Variants in PRTG observed in about 807,000 individuals in gnomAD.
PRTG encodes immunoglobulin superfamily, DCC subclass, member 5.
A neutral mutation model predicts 122.5 loss-of-function variants in PRTG; 67 were observed. The observed-to-expected ratio is 0.55, with a 90% CI of 0.45 to 0.67. PRTG has a LOEUF of 0.67. Ranked by LOEUF, PRTG falls within the 30% of genes least tolerant of loss-of-function variation. The pLI is 0.00. For synonymous variants in PRTG, 554 were observed against 501.1 expected (o/e 1.11, Z -1.41); for missense variants, 1,435 against 1,415.4 (o/e 1.01, Z -0.22).
chr15:55,683,715 T>C, intron 3 of PRTG, 72 bp downstream of exon 3: 1 of 1,281,390 alleles, frequency 7.8e-7, no homozygotes. Context: ...TAATGGTGTT[T>C]CTCCCTATAT....
Position 55,628,842 on chromosome 15 carries a change from A to G in PRTG, c.2786T>C (p.Leu929Ser), listed in dbSNP as rs1460679215. 2 of 1,613,166 alleles carry G rather than the reference A, an allele frequency of 1.2e-6. No homozygotes were observed. Among genetic ancestry groups the G allele is most frequent in the African/African-American group, 2.7e-5 (2 of 74,886 alleles). Residue 929 changes from leucine (L) to serine (S), a missense_variant, in exon 16 of 20, where the codon TTA (leucine) becomes TCA (serine). By Grantham distance (145) the Leu-to-Ser change is moderately radical. Transcript: ENST00000389286. Reference sequence around the variant, plus strand: ...CAGACCTTTGGCATCAGCAGAATCTAAACGCTTGGGCCTCTGATTTGATTC... The same window carrying G: ...CAGACCTTTGGCATCAGCAGAATCTGAACGCTTGGGCCTCTGATTTGATTC... ...TSESNQRPKRLDSADAKVYSG... is the reference protein window; with the variant it reads ...TSESNQRPKRSDSADAKVYSG...
chr15:55,743,037 G>A lies in PRTG; in HGVS notation c.-106C>T. ...TCTGCGGCTGGTCGCACGCAGCCTG[G>A]CTCCCCGCTCCGGCTCCGGCACCGG... On this transcript the variant is annotated 5_prime_UTR_variant, in exon 1 of 20. Transcript: ENST00000389286. The A allele has an allele frequency of 1.5e-6, 2 of 1,314,300 alleles. No homozygotes were observed. The allele number at this position is 1,314,300 out of a possible 1,614,324, so 81.4% of individuals were successfully genotyped here.
At chr15:55,730,674 C>T (rs923515875) in intron 2 of PRTG, among the ~76,000 whole-genome samples, 5 of 152,022 alleles carry the variant, frequency 3.3e-5, no homozygotes, top group Admixed American at 6.6e-5. Flanking sequence ...GTGGTGGGTG[C>T]CTGTAGTCCC....
intron 2 of PRTG, among the ~76,000 whole-genome samples, chr15:55,702,554 T>C (rs1435711686): frequency 2.0e-5 from 3 of 152,182 alleles, no homozygotes; most frequent in Non-Finnish European, 2.9e-5. Flanking sequence ...TGAAGAACCA[T>C]AAGATGCTGA....
intron 2 of PRTG, among the ~76,000 whole-genome samples, chr15:55,689,664 A>G (rs2059589632): frequency 1.3e-5 from 2 of 151,430 alleles, no homozygotes; most frequent in South Asian, 4.2e-4. Flanking sequence ...GCAGTGGCTC[A>G]CACCTGTAAT....
At chr15:55,659,574 G>C (rs1039318116) in intron 11 of PRTG, among the ~76,000 whole-genome samples, 4 of 152,096 alleles carry the variant, frequency 2.6e-5, no homozygotes, top group Non-Finnish European at 4.4e-5. Flanking sequence ...ATTATGTGGT[G>C]ATTTTATTAA....
intron 2 of PRTG, chr15:55,738,381 C>A: frequency 1.6e-6 from 1 of 637,100 alleles, no homozygotes; most frequent in South Asian, 1.9e-5. Context: ...AAAAGTGTTT[C>A]TGGAAGCCCT....
intron 2 of PRTG, among the ~76,000 whole-genome samples, chr15:55,685,386 T>C (rs2059564740): frequency 6.6e-6 from 1 of 152,162 alleles, no homozygotes; most frequent in Non-Finnish European, 1.5e-5. Context: ...GGTGAAATAA[T>C]CCCTTATTTG....
rs1411229750 is a variant in PRTG at position 55,627,040 on chromosome 15, A to G, written c.2895T>C (p.Cys965=). 1 of 1,611,584 alleles carries G rather than the reference A, an allele frequency of 6.2e-7. No individual in the cohort carries two copies. Among genetic ancestry groups the G allele is most frequent in the African/African-American group, 1.3e-5 (1 of 74,782 alleles). ...TACTTCGGTATATCAAGATGAGAAC[A>G]CAGATGAGGATGCAGGTCAAGGCTA... ...VGIALTCILI[C]VLILIYRSKA... The change falls in exon 17 of 20, where the codon TGT becomes TGC. Residue 965 remains cysteine, a synonymous_variant. Transcript: ENST00000389286.
Position 55,742,989 on chromosome 15 carries a change from CCCCCG to C in PRTG, c.-63_-59del, listed in dbSNP as rs1338921315. On this transcript the variant is annotated 5_prime_UTR_variant, in exon 1 of 20. Transcript: ENST00000389286. ...GCCCAGAGCCCCTGTCCGTCTGCGG[CCCCCG>C]CCCCGGGCGCTCTCTGCTCTGCGGC... 1 of 1,392,022 alleles carries C rather than the reference CCCCCG, an allele frequency of 7.2e-7. No homozygotes were observed. The highest frequency in any genetic ancestry group is 9.3e-7 in the Non-Finnish European group (1 of 1,077,292). 86.2% of individuals were successfully genotyped at this position (1,392,022 alleles called of 1,614,324 possible).
chr15:55,646,744 A>C (rs1206057890), intron 11 of PRTG, among the ~76,000 whole-genome samples: 2 of 152,220 alleles, frequency 1.3e-5, no homozygotes, highest in African/African-American at 4.8e-5. Flanking sequence ...AAGAAAGCTC[A>C]AATTAATCTA....
intron 2 of PRTG, among the ~76,000 whole-genome samples, chr15:55,736,922 G>A (rs1227377896): frequency 6.6e-6 from 1 of 151,952 alleles, no homozygotes; most frequent in Non-Finnish European, 1.5e-5. Flanking sequence ...AACACAACCC[G>A]CCTCCTCCTT....
intron 11 of PRTG, among the ~76,000 whole-genome samples, chr15:55,656,697 A>G (rs573897389): frequency 2.0e-5 from 3 of 152,290 alleles, no homozygotes; most frequent in East Asian, 3.9e-4. Flanking sequence ...TTTAGCAGAG[A>G]CAGGGTTTCA....
At position 55,740,630 on chromosome 15, in the gene PRTG, A is replaced by G; in HGVS notation, c.149T>C (p.Val50Ala). 6.2e-7 allele frequency: 1 copy of G among 1,614,132 alleles called. No individual in the cohort carries two copies. Among genetic ancestry groups the G allele is most frequent in the Non-Finnish European group, 8.5e-7 (1 of 1,180,012 alleles). ...TAAAACGACTGGGTCCTTTCTTGTG[A>G]CAGTTACATCCTGTGGTTCTTTTAC... Reference protein sequence around the residue: ...SFVKEPQDVTVTRKDPVVLDC... With the variant: ...SFVKEPQDVTATRKDPVVLDC... Residue 50 changes from valine to alanine, a missense_variant, in exon 2 of 20, where the codon GTC (valine) becomes GCC (alanine). Physicochemically the swap from Val to Ala is moderately conservative, Grantham distance 64 (BLOSUM62 0). Coordinates refer to ENST00000389286, the MANE Select transcript of PRTG (RefSeq NM_173814.6).
chr15:55,740,197 TA>T (rs1279970908), intron 2 of PRTG, among the ~76,000 whole-genome samples, 184 bp downstream of exon 2: 4 of 152,236 alleles, frequency 2.6e-5, no homozygotes, highest in African/African-American at 9.6e-5. Context: ...TGTTCTCAAT[TA>T]CTCATTTGAA....
intron 2 of PRTG, among the ~76,000 whole-genome samples, chr15:55,721,579 C>G (rs1018499731): frequency 6.6e-6 from 1 of 152,256 alleles, no homozygotes; most frequent in South Asian, 2.1e-4. Flanking sequence ...TAATTAAAAT[C>G]TAGTTTTCCT....
intron 2 of PRTG, among the ~76,000 whole-genome samples, chr15:55,706,777 G>C (rs1426550618): frequency 1.3e-5 from 2 of 151,998 alleles, no homozygotes; most frequent in Non-Finnish European, 2.9e-5. Context: ...TTAAAAAAGA[G>C]AGAGAGGAGA....
rs553474865 is a variant in PRTG, at chr15:55,725,527, T to C, written c.397+14855A>G. Among the ~76,000 whole-genome samples, 7 of 151,440 alleles carry C rather than the reference T, an allele frequency of 4.6e-5. No homozygotes were observed. In the East Asian group the frequency reaches 1.4e-3, roughly 29 times the overall value. Reference sequence around the variant, plus strand: ...AGAGGATCACCTGAGCCTGGGGAGGTTGAGGATGCAGTGAGCCGTGATCGT... The same window carrying C: ...AGAGGATCACCTGAGCCTGGGGAGGCTGAGGATGCAGTGAGCCGTGATCGT... On this transcript the variant is annotated intron_variant, in intron 2 of 19. Coordinates refer to ENST00000389286, the MANE Select transcript of PRTG (RefSeq NM_173814.6).
rs56167837 is a variant in PRTG at position 55,682,544 on chromosome 15, TTTTATTTATTTATTTATTTA to T, written c.543-67_543-48del. ...TAAACTTTTTGTAGTAGATTTCATA[TTTTATTTATTTATTTATTTA>T]TTTATTTATTTATTTATGAGATGGA... On this transcript the variant is annotated intron_variant, in intron 3 of 19. Transcript: ENST00000389286. The T allele has an allele frequency of 2.1e-5, 10 of 479,302 alleles. 1 individual carries two copies. Among genetic ancestry groups the T allele is most frequent in the Non-Finnish European group, 2.9e-5 (9 of 315,332 alleles). 29.7% of individuals were successfully genotyped at this position (479,302 alleles called of 1,614,324 possible). A position where few individuals can be genotyped will look rare whatever the true frequency, so the allele number is the denominator to read the frequency against.
Sources: allele counts gnomAD v4.1 joint callset (sites outside exome capture counted in the v4.1 genomes callset), GRCh38; gene constraint gnomAD v4.1.1; transcripts MANE v1.5; gene names NCBI Gene and HGNC (gene_info 2026-07-23, HGNC 2026-07-21).